Variants in RGMA observed in about 807,000 individuals in gnomAD.
RGMA encodes repulsive guidance molecule A.
RGMA carries 10 observed loss-of-function variants against 23.2 expected under a neutral mutation model. The ratio of observed to expected loss-of-function variants is 0.43; its 90% CI spans 0.27 to 0.73. The LOEUF (loss-of-function observed/expected upper bound fraction) is 0.73, where lower values mean the gene tolerates loss of function less well. RGMA is among the 30% of genes least tolerant of loss of function. The pLI is 0.20. For synonymous variants in RGMA, 308 were observed against 279.3 expected (o/e 1.10, Z -1.03); for missense variants, 547 against 630.5 (o/e 0.87, Z 1.42).
chr15:93,061,975 A>T (rs1784806436), intron 2 of RGMA, among the ~76,000 whole-genome samples: 1 of 152,134 alleles, frequency 6.6e-6, no homozygotes, highest in South Asian at 2.1e-4. Context: ...AGGAATAAAG[A>T]CAATGCAATT....
At chr15:93,069,234 C>T (rs552250281) in intron 2 of RGMA, among the ~76,000 whole-genome samples, 131 of 152,282 alleles carry the variant, frequency 8.6e-4, no homozygotes, top group African/African-American at 3.0e-3. Flanking sequence ...CTCAGCCTCC[C>T]GAGTAGCTGG....
rs1039816566 is a variant in RGMA at position 93,041,039 on chromosome 15, A to C, written c.*3959T>G. On this transcript the variant is annotated 3_prime_UTR_variant, in exon 4 of 4. Transcript: ENST00000329082. ...CAAGTTTGCCTGCAGCCCGAGCCCA[A>C]GTGCCACCCCTGCTCCATGCCACTT... 6 of 152,180 alleles carry C rather than the reference A, an allele frequency of 3.9e-5. No individual in the cohort carries two copies. The highest frequency in any genetic ancestry group is 1.4e-4 in the African/African-American group (6 of 41,414). The allele number at this position is 152,180 out of a possible 1,614,324, so 9.4% of individuals were successfully genotyped here. A position where few individuals can be genotyped will look rare whatever the true frequency, so the allele number is the denominator to read the frequency against.
Position 93,045,831 on chromosome 15 carries a change from T to A in RGMA, c.646-126A>T. ...CCCCAGGGATGCCCCAGACACTCCCTTCTCCAGGTTGGACAGATCAGTTCC... is the reference window on the plus strand; with the variant it reads ...CCCCAGGGATGCCCCAGACACTCCCATCTCCAGGTTGGACAGATCAGTTCC... On this transcript the variant is annotated intron_variant, in intron 3 of 3. Transcript: ENST00000329082. The surrounding 1 kb of genome is among the most constrained non-coding windows in gnomAD (Gnocchi z 6.9). The A allele has an allele frequency of 2.9e-6, 2 of 681,518 alleles. No individual in the cohort carries two copies. The highest frequency in any genetic ancestry group is 5.1e-6 in the Non-Finnish European group (2 of 394,750). The allele number at this position is 681,518 out of a possible 1,614,324, so 42.2% of individuals were successfully genotyped here. A position where few individuals can be genotyped will look rare whatever the true frequency, so the allele number is the denominator to read the frequency against.
intron 2 of RGMA, among the ~76,000 whole-genome samples, chr15:93,067,314 G>C (rs1208277861): frequency 1.3e-5 from 2 of 152,132 alleles, no homozygotes; most frequent in Non-Finnish European, 2.9e-5. Flanking sequence ...TTTGCCCATT[G>C]AGCAAAACCC....
intron 2 of RGMA, among the ~76,000 whole-genome samples, chr15:93,057,190 A>T (rs926940230): frequency 6.6e-5 from 10 of 152,174 alleles, no homozygotes; most frequent in Non-Finnish European, 1.2e-4. Context: ...CTCGCTTCCC[A>T]TGGGCACCAG....
chr15:93,082,335 G>T (rs570683584), intron 1 of RGMA, among the ~76,000 whole-genome samples: 4 of 152,310 alleles, frequency 2.6e-5, no homozygotes, highest in South Asian at 2.1e-4. Flanking sequence ...TTATACTTGA[G>T]GCCTGATGGG....
At chr15:93,057,354 C>T (rs1275553996) in intron 2 of RGMA, among the ~76,000 whole-genome samples, 5 of 152,098 alleles carry the variant, frequency 3.3e-5, no homozygotes, top group African/African-American at 4.8e-5. Context: ...GGAGCCCCCA[C>T]GACAGGGTTG....
chr15:93,055,393 G>A (rs2054997114), intron 2 of RGMA, among the ~76,000 whole-genome samples: 1 of 152,168 alleles, frequency 6.6e-6, no homozygotes, highest in South Asian at 2.1e-4. Context: ...TCCGTCCCAG[G>A]TCCGGTGCTG....
At chr15:93,067,513 G>GCCA (rs2141834216) in intron 2 of RGMA, among the ~76,000 whole-genome samples, 1 of 152,308 alleles carries the variant, frequency 6.6e-6, no homozygotes, top group African/African-American at 2.4e-5. Context: ...AGCCCAGCAG[G>GCCA]TGGCTCAGTT....
At chr15:93,074,722 C>G (rs1895441221) in intron 1 of RGMA, among the ~76,000 whole-genome samples, 1 of 152,232 alleles carries the variant, frequency 6.6e-6, no homozygotes, top group Non-Finnish European at 1.5e-5. Context: ...TCAAGCTTGG[C>G]CAGTCCTGGG....
At chr15:93,073,755 A>G in intron 1 of RGMA, 2 of 1,537,126 alleles carry the variant, frequency 1.3e-6, no homozygotes, top group South Asian at 1.2e-5. Context: ...CAGGCCACCC[A>G]TCCTGACTGG....
At chr15:93,051,840 C>A (rs963443258) in intron 3 of RGMA, 153 bp downstream of exon 3, 6 of 787,950 alleles carry the variant, frequency 7.6e-6, no homozygotes, top group Non-Finnish European at 1.2e-5. Context: ...AGACCCACCC[C>A]CTTGGGATGC....
intron 1 of RGMA, chr15:93,073,244 C>A: frequency 9.3e-7 from 1 of 1,076,698 alleles, no homozygotes. Flanking sequence ...CCCCGCGCCC[C>A]AGCCGCCTGC....
chr15:93,068,258 G>T (rs1596099919), intron 2 of RGMA, among the ~76,000 whole-genome samples: 1 of 152,124 alleles, frequency 6.6e-6, no homozygotes, highest in Non-Finnish European at 1.5e-5. Context: ...CAGCAAAACA[G>T]CATGGCCCCT....
At chr15:93,072,238 T>C (rs1895350985) in intron 2 of RGMA, among the ~76,000 whole-genome samples, 1 of 152,176 alleles carries the variant, frequency 6.6e-6, no homozygotes, top group African/African-American at 2.4e-5. Flanking sequence ...AAAGCAGCGA[T>C]CTGCCAAAAA....
At position 93,051,952 on chromosome 15, in the gene RGMA, A is replaced by G. The variant is rs1220928819; in HGVS notation, c.645+41T>C. 3.3e-6 allele frequency: 5 copies of G among 1,537,452 alleles called. No homozygotes were observed. The African/African-American group carries it at 6.8e-5, about 21-fold the overall frequency. On this transcript the variant is annotated intron_variant, in intron 3 of 3. Coordinates refer to ENST00000329082, the MANE Select transcript of RGMA (RefSeq NM_020211.3). ...TCAGTGTCCACGCAGGGCAGAGACA[A>G]AGGGCAGGGCTGTGCCCTACAGCCG... is the stretch of plus-strand genomic sequence containing the variant.
chr15:93,088,109 T>C (rs992437203), intron 1 of RGMA, among the ~76,000 whole-genome samples: 3 of 152,136 alleles, frequency 2.0e-5, no homozygotes, highest in Non-Finnish European at 4.4e-5. Context: ...CCACACCACA[T>C]AATAGCAGCT....
intron 2 of RGMA, among the ~76,000 whole-genome samples, chr15:93,071,520 G>A (rs1337932955): frequency 1.3e-5 from 2 of 152,206 alleles, no homozygotes; most frequent in African/African-American, 2.4e-5. Context: ...AGCAGGTTGC[G>A]GCTCTCTGCG....
chr15:93,047,843 C>T (rs904387781), intron 3 of RGMA, among the ~76,000 whole-genome samples: 1 of 152,148 alleles, frequency 6.6e-6, no homozygotes, highest in African/African-American at 2.4e-5. Flanking sequence ...GGGCACAGTG[C>T]GAGGTGCTAG....
Sources: allele counts gnomAD v4.1 joint callset (sites outside exome capture counted in the v4.1 genomes callset), GRCh38; gene constraint gnomAD v4.1.1; non-coding constraint Gnocchi (gnomAD v3.1); transcripts MANE v1.5; gene names NCBI Gene and HGNC (gene_info 2026-07-23, HGNC 2026-07-21).